Variants in PIEZO2 observed in about 807,000 individuals in gnomAD.
PIEZO2 encodes piezo-type mechanosensitive ion channel component 2.
In PIEZO2, 172 loss-of-function variants were observed where a neutral mutation model predicts 337.3. That is an observed-to-expected ratio of 0.51 (90% CI 0.45 to 0.58). The LOEUF (loss-of-function observed/expected upper bound fraction) is 0.58. Ranked by LOEUF, PIEZO2 falls within the 20% of genes least tolerant of loss-of-function variation. PIEZO2 has a pLI of 0.00. For missense variants in PIEZO2, 3,028 were observed against 3,391.3 expected, an observed-to-expected ratio of 0.89 and a Z score of 2.66; for synonymous variants, 1,251 against 1,228.5, an observed-to-expected ratio of 1.02 and a Z score of -0.38.
chr18:11,017,773 A>G (rs938795180), intron 2 of PIEZO2, among the ~76,000 whole-genome samples: 1 of 152,158 alleles, frequency 6.6e-6, no homozygotes, highest in African/African-American at 2.4e-5. Context: ...GCTCAGATTC[A>G]TATCTTGATC....
At chr18:10,743,978 G>T (rs2037324882) in intron 31 of PIEZO2, among the ~76,000 whole-genome samples, 164 bp downstream of exon 31, 1 of 152,136 alleles carries the variant, frequency 6.6e-6, no homozygotes, top group Non-Finnish European at 1.5e-5. Context: ...CAGTCTAGTG[G>T]CATGAGCAAC....
chr18:10,799,566 TTAGTAA>T (rs1441082876), intron 11 of PIEZO2, among the ~76,000 whole-genome samples: 4 of 152,168 alleles, frequency 2.6e-5, no homozygotes, highest in African/African-American at 4.8e-5. Context: ...TTTGTCATCT[TTAGTAA>T]TAGTGGTCTC....
intron 47 of PIEZO2, among the ~76,000 whole-genome samples, 173 bp downstream of exon 47, chr18:10,695,901 T>C (rs1442826234): frequency 2.6e-5 from 4 of 152,224 alleles, no homozygotes; most frequent in Non-Finnish European, 5.9e-5. Flanking sequence ...AGTTCACACT[T>C]TGGATTTGCG....
chr18:11,012,559 G>A (rs1282188279), intron 2 of PIEZO2, among the ~76,000 whole-genome samples: 3 of 152,048 alleles, frequency 2.0e-5, no homozygotes, highest in Non-Finnish European at 2.9e-5. Context: ...TACGCTCTTG[G>A]GCACCAGCTC....
intron 8 of PIEZO2, 100 bp downstream of exon 8, chr18:10,807,012 T>C: frequency 2.5e-6 from 3 of 1,200,492 alleles, no homozygotes; most frequent in South Asian, 3.2e-5. Flanking sequence ...TGTGTTGGAA[T>C]AGAGTATCGA....
At chr18:10,957,313 C>G (rs2033581258) in intron 3 of PIEZO2, among the ~76,000 whole-genome samples, 1 of 151,844 alleles carries the variant, frequency 6.6e-6, no homozygotes, top group Non-Finnish European at 1.5e-5. Context: ...AAGAGAGTCG[C>G]TTGACCCTGG....
rs1365386522 is a variant in PIEZO2 at position 10,973,617 on chromosome 18, T to C, written c.286+5918A>G. ...ATATAGCTTGGACCAGTTTTTTAAA[T>C]TGTTGTATTGAGCGGCAACATCTGC... On this transcript the variant is annotated intron_variant, in intron 3 of 55. Transcript: ENST00000674853. The surrounding 1 kb of genome is among the most constrained non-coding windows in gnomAD (Gnocchi z 4.9). 2.6e-5 allele frequency among the ~76,000 whole-genome samples: 4 copies of C among 152,322 alleles called. No homozygotes were observed. The highest frequency in any genetic ancestry group is 4.8e-5 in the African/African-American group (2 of 41,588).
In PIEZO2 at chr18:10,724,644, G is replaced by A. The variant is rs567049300; in HGVS notation, c.5030-6385C>T. The A allele has an allele frequency of 6.6e-4, 486 of 738,340 alleles. 3 individuals carry two copies. Among genetic ancestry groups the A allele is most frequent in the African/African-American group, 3.7e-3 (212 of 56,998 alleles). 45.7% of individuals were successfully genotyped at this position (738,340 alleles called of 1,614,324 possible). On this transcript the variant is annotated intron_variant, in intron 36 of 55. Transcript: ENST00000674853. This position sits in a 1 kb window ranked among gnomAD's most constrained non-coding sequence, Gnocchi z 5.8. ...TGGTGCTGGACTCGGGGTCTCAGGCGTATGATCAGGCACCCACCAGCCCAC... is the reference window on the plus strand; with the variant it reads ...TGGTGCTGGACTCGGGGTCTCAGGCATATGATCAGGCACCCACCAGCCCAC...
At position 10,759,872 on chromosome 18, in the gene PIEZO2, C is replaced by T. The variant is rs1437776023; in HGVS notation, c.3488G>A (p.Arg1163Gln). The change falls in exon 25 of 56, where the codon CGA becomes CAA. Residue 1163 changes from arginine to glutamine, a missense_variant. Arg to Gln is a conservative substitution (Grantham distance 43). Around this residue, in one of 5 missense-constraint regions of PIEZO2, gnomAD observed 1,925 missense variants for 2,051.9 expected, o/e 0.94. Coordinates refer to ENST00000674853, the MANE Select transcript of PIEZO2 (RefSeq NM_001378183.1). This position sits in a 1 kb window ranked among gnomAD's most constrained non-coding sequence, Gnocchi z 5.5. ...GTGGATCATGGCATAGAAATCCATT[C>T]GCTGGCCAATGACGTTAACTGACAT... ...FLMSVNVIGQ[R>Q]MDFYAMIHAC... is the part of the protein sequence containing the mutation. The T allele has an allele frequency of 1.4e-5, 21 of 1,537,436 alleles. No homozygotes were observed. Among genetic ancestry groups the T allele is most frequent in the Non-Finnish European group, 1.7e-5 (20 of 1,146,960 alleles).
chr18:10,905,312 G>C (rs549851497), intron 4 of PIEZO2, among the ~76,000 whole-genome samples: 2 of 152,270 alleles, frequency 1.3e-5, no homozygotes, highest in African/African-American at 4.8e-5. Context: ...GCCAGGCGTG[G>C]TGGTTCACGC....
At position 10,716,395 on chromosome 18, in the gene PIEZO2, G is replaced by A. The variant is rs1425149704; in HGVS notation, c.5090-579C>T. 6.6e-6 allele frequency among the ~76,000 whole-genome samples: 1 copy of A among 152,136 alleles called. No homozygotes were observed. The stretch of plus-strand genomic sequence containing the variant: ...TTTCTCTAGCTTCCTTATATAATAT[G>A]TGTATATAGTGACATCTGATGTTCT... On this transcript the variant is annotated intron_variant, in intron 37 of 55. Transcript: ENST00000674853. The surrounding 1 kb of genome is among the most constrained non-coding windows in gnomAD (Gnocchi z 4.1).
At chr18:10,785,036 A>T in intron 16 of PIEZO2, 79 bp from the exon 17 acceptor site, 1 of 1,380,866 alleles carries the variant, frequency 7.2e-7, no homozygotes, top group Non-Finnish European at 9.7e-7. Context: ...AAACTACATC[A>T]CAGTCTTACA....
intron 20 of PIEZO2, among the ~76,000 whole-genome samples, chr18:10,770,814 C>T (rs938699334): frequency 9.5e-5 from 14 of 147,576 alleles, no homozygotes; most frequent in South Asian, 2.2e-4. Flanking sequence ...ACAATCTCGG[C>T]TCACTGCAAC....
Position 10,715,746 on chromosome 18 carries a change from A to G in PIEZO2, c.5160T>C (p.Ser1720=), listed in dbSNP as rs372765331. 2.4e-5 allele frequency: 37 copies of G among 1,535,436 alleles called. No homozygotes were observed. The African/African-American group carries it at 4.9e-4, about 20-fold the overall frequency. Residue 1720 remains serine (S), a synonymous_variant, in exon 38 of 56, where the codon AGT becomes AGC. Coordinates refer to ENST00000674853, the MANE Select transcript of PIEZO2 (RefSeq NM_001378183.1). ...TWVLFLATVD[S]FTTWLNSISR... is the part of the protein sequence containing the mutation. ...AAATGGAGTTAAGCCAAGTAGTGAA[A>G]CTGTCCACTGTTGCCAGAAATAGGA...
intron 54 of PIEZO2, among the ~76,000 whole-genome samples, chr18:10,674,130 C>A (rs1056370361): frequency 2.0e-5 from 3 of 152,040 alleles, no homozygotes; most frequent in Non-Finnish European, 2.9e-5. Context: ...CCTATTAGAG[C>A]CAAAGTCCTT....
At chr18:10,714,963 T>A in intron 38 of PIEZO2, 33 bp from the exon 39 acceptor site, 1 of 1,532,580 alleles carries the variant, frequency 6.5e-7, no homozygotes, top group Non-Finnish European at 8.7e-7. Flanking sequence ...ACAGTTCTTA[T>A]GGAGGCATCT....
chr18:10,856,853 C>T lies in PIEZO2; in HGVS notation c.703+148G>A. 1 of 745,828 alleles carries T rather than the reference C, an allele frequency of 1.3e-6. No homozygotes were observed. 46.2% of individuals were successfully genotyped at this position (745,828 alleles called of 1,614,324 possible). A position where few individuals can be genotyped will look rare whatever the true frequency, so the allele number is the denominator to read the frequency against. On this transcript the variant is annotated intron_variant, in intron 6 of 55. Coordinates refer to ENST00000674853, the MANE Select transcript of PIEZO2 (RefSeq NM_001378183.1). This position sits in a 1 kb window ranked among gnomAD's most constrained non-coding sequence, Gnocchi z 4.7. The stretch of plus-strand genomic sequence containing the variant: ...GAAAAATTATTTTGTGTGGTTTGTA[C>T]ATGTGGCCAGTTTTACAAGAGCTAC...
In PIEZO2 at chr18:11,066,110, T is replaced by C. The variant is rs184245414; in HGVS notation, c.160+17A>G. On this transcript the variant is annotated intron_variant, in intron 2 of 55. Transcript: ENST00000674853. ...GACTGTATAACTCTGTGGTATACGA[T>C]AACAAAATTCTCTTACCTTGCATCG... 5 of 1,510,898 alleles carry C rather than the reference T, an allele frequency of 3.3e-6. No homozygotes were observed. The highest frequency in any genetic ancestry group is 3.9e-5 in the Admixed American group (2 of 50,958). The allele number at this position is 1,510,898 out of a possible 1,614,324, so 93.6% of individuals were successfully genotyped here. A position where few individuals can be genotyped will look rare whatever the true frequency, so the allele number is the denominator to read the frequency against.
Position 11,109,717 on chromosome 18 carries a change from C to CA in PIEZO2, c.64+38807dup, listed in dbSNP as rs374542866. 0.024 allele frequency among the ~76,000 whole-genome samples: 3,384 copies of CA among 142,220 alleles called. 64 individuals are homozygous for CA. Among genetic ancestry groups the CA allele is most frequent in the Non-Finnish European group, 0.035 (2,283 of 64,922 alleles). 93.3% of individuals were successfully genotyped at this position (142,220 alleles called of 152,430 possible). A position where few individuals can be genotyped will look rare whatever the true frequency, so the allele number is the denominator to read the frequency against. On this transcript the variant is annotated intron_variant, in intron 1 of 55. Transcript: ENST00000674853. The surrounding 1 kb of genome is among the most constrained non-coding windows in gnomAD (Gnocchi z 5.1). The stretch of plus-strand genomic sequence containing the variant: ...TGGAAGACAGAGTGAGACTCCATCT[C>CA]AAAAAAAAAAGGTACTAGAAACAGA...
Sources: allele counts gnomAD v4.1 joint callset (sites outside exome capture counted in the v4.1 genomes callset), GRCh38; gene constraint gnomAD v4.1.1; regional missense constraint gnomAD v4.1.1; non-coding constraint Gnocchi (gnomAD v3.1); transcripts MANE v1.5; gene names NCBI Gene and HGNC (gene_info 2026-07-23, HGNC 2026-07-21).